The following PKIA variants were observed in gnomAD, a reference collection of about 807,000 sequenced individuals.
PKIA encodes the protein PKI-alpha.
Under a neutral mutation model 7.6 loss-of-function variants are expected in PKIA, and 4 were observed. That is an observed-to-expected ratio of 0.52 (90% CI 0.26 to 1.20). The LOEUF is 1.20. Ranked by LOEUF, PKIA falls within the 50% of genes most tolerant of loss-of-function variation. The pLI, the probability that PKIA is intolerant of heterozygous loss-of-function variation, is 0.13. For missense variants in PKIA, 73 were observed against 86.2 expected (o/e 0.85, Z 0.61); for synonymous variants, 21 against 30.7 (o/e 0.68, Z 1.04).
chr8:78,550,247 A>G (rs771283271), intron 1 of PKIA, among the ~76,000 whole-genome samples: 8 of 152,254 alleles, frequency 5.3e-5, no homozygotes, highest in East Asian at 1.9e-4. Context: ...GTGTTTGCTA[A>G]TGGGTGCTTA....
At chr8:78,561,001 C>T (rs1585899843) in intron 1 of PKIA, among the ~76,000 whole-genome samples, 2 of 152,246 alleles carry the variant, frequency 1.3e-5, no homozygotes, top group African/African-American at 4.8e-5. Flanking sequence ...AATATATGAG[C>T]TCTATGAGCC....
At chr8:78,551,707 C>G (rs890125249) in intron 1 of PKIA, among the ~76,000 whole-genome samples, 6 of 151,942 alleles carry the variant, frequency 3.9e-5, no homozygotes, top group African/African-American at 1.2e-4. Flanking sequence ...GGAGTGTCAA[C>G]ACAAGGAGAA....
chr8:78,558,754 T>C (rs922149855), intron 1 of PKIA, among the ~76,000 whole-genome samples: 5 of 152,022 alleles, frequency 3.3e-5, no homozygotes, highest in African/African-American at 9.7e-5. Flanking sequence ...TTACATCAGG[T>C]GGAGTAAAAG....
chr8:78,577,539 T>A (rs1807704215), intron 2 of PKIA, among the ~76,000 whole-genome samples: 1 of 151,992 alleles, frequency 6.6e-6, no homozygotes, highest in Non-Finnish European at 1.5e-5. Context: ...CCTGGTCATT[T>A]CTTACTTTTC....
chr8:78,557,783 G>A (rs982145669), intron 1 of PKIA, among the ~76,000 whole-genome samples: 7 of 152,174 alleles, frequency 4.6e-5, no homozygotes, highest in African/African-American at 1.4e-4. Flanking sequence ...TCCAGTTAAA[G>A]TGAAACCTGG....
At chr8:78,542,911 T>C (rs558388517) in intron 1 of PKIA, among the ~76,000 whole-genome samples, 1 of 152,292 alleles carries the variant, frequency 6.6e-6, no homozygotes, top group African/African-American at 2.4e-5. Flanking sequence ...AGGGGAAGGC[T>C]GTCACCACCT....
intron 2 of PKIA, among the ~76,000 whole-genome samples, chr8:78,579,501 G>C (rs1287422596): frequency 6.6e-6 from 1 of 151,910 alleles, no homozygotes; most frequent in Non-Finnish European, 1.5e-5. Context: ...CTTTGCACTT[G>C]TTATTTTCTG....
rs1347358854 is a variant in PKIA, at chr8:78,603,117, A to G, written c.*1296A>G. 8 of 152,440 alleles carry G rather than the reference A, an allele frequency of 5.2e-5. No individual in the cohort carries two copies. The allele number at this position is 152,440 out of a possible 1,614,324, so 9.4% of individuals were successfully genotyped here. ...TTGATGGCCTCTGCTGTGTTTTAAC[A>G]TCGTGCTTCTTATATGGAAAGTTTT... On this transcript the variant is annotated 3_prime_UTR_variant, in exon 4 of 4. Transcript: ENST00000396418.
chr8:78,556,571 A>G (rs949917524), intron 1 of PKIA: 1 of 152,132 alleles, frequency 6.6e-6, no homozygotes, highest in African/African-American at 2.4e-5. Context: ...TCTCCAGTAC[A>G]GTTGCTCTTC....
chr8:78,528,980 A>C (rs1349173999), intron 1 of PKIA, among the ~76,000 whole-genome samples: 1 of 152,072 alleles, frequency 6.6e-6, no homozygotes, highest in Non-Finnish European at 1.5e-5. Flanking sequence ...GAAATTGCTA[A>C]AACTTTAGGG....
intron 2 of PKIA, among the ~76,000 whole-genome samples, chr8:78,578,453 A>T (rs1322975065): frequency 3.9e-5 from 6 of 151,956 alleles, no homozygotes; most frequent in African/African-American, 1.4e-4. Context: ...TTTGTTTCAA[A>T]TCATGTTCTA....
intron 1 of PKIA, among the ~76,000 whole-genome samples, chr8:78,533,506 A>T (rs143410225): frequency 3.6e-4 from 55 of 152,284 alleles, no homozygotes; most frequent in African/African-American, 1.3e-3. Flanking sequence ...AGAATGGTAT[A>T]CAATCTACAT....
At chr8:78,600,365 T>A (rs1217625196) in intron 3 of PKIA, among the ~76,000 whole-genome samples, 1 of 152,092 alleles carries the variant, frequency 6.6e-6, no homozygotes, top group Non-Finnish European at 1.5e-5. Context: ...CATGTTTACC[T>A]TTATTTGTTA....
intron 1 of PKIA, among the ~76,000 whole-genome samples, chr8:78,539,314 C>A (rs945655378): frequency 2.6e-5 from 4 of 152,042 alleles, no homozygotes; most frequent in African/African-American, 9.7e-5. Context: ...AGGAAGAAAT[C>A]ATCTTCAGGA....
chr8:78,601,948 T>A lies in PKIA; in HGVS notation c.*127T>A. Reference sequence around the variant, plus strand: ...GCTGTGCTGCATTGCAGGAACCTGCTCATTATCATGTTAAAAATGAGGGCA... The same window carrying A: ...GCTGTGCTGCATTGCAGGAACCTGCACATTATCATGTTAAAAATGAGGGCA... On this transcript the variant is annotated 3_prime_UTR_variant, in exon 4 of 4. Transcript: ENST00000396418. The A allele has an allele frequency of 1.4e-6, 1 of 700,550 alleles. No homozygotes were observed. The highest frequency in any genetic ancestry group is 2.4e-6 in the Non-Finnish European group (1 of 415,068). The allele number at this position is 700,550 out of a possible 1,614,324, so 43.4% of individuals were successfully genotyped here. A position where few individuals can be genotyped will look rare whatever the true frequency, so the allele number is the denominator to read the frequency against.
At position 78,523,144 on chromosome 8, in the gene PKIA, TTATAA is replaced by T. The variant is rs1322661979; in HGVS notation, c.-157+6681_-157+6685del. On this transcript the variant is annotated intron_variant, in intron 1 of 3. Transcript: ENST00000396418. ...AAGGACAAAGATGAAGCAACATGTC[TTATAA>T]TATATGTTTGAGTATCTACTTAAAA... 3.3e-5 allele frequency among the ~76,000 whole-genome samples: 5 copies of T among 152,022 alleles called. No individual in the cohort carries two copies. The South Asian group carries it at 6.2e-4, about 19-fold the overall frequency.
intron 2 of PKIA, among the ~76,000 whole-genome samples, chr8:78,585,426 G>T (rs1267352980): frequency 6.6e-6 from 1 of 152,036 alleles, no homozygotes; most frequent in South Asian, 2.1e-4. Flanking sequence ...AACAGTGTCA[G>T]AGAAGAAGAG....
chr8:78,536,361 G>A (rs1806521098), intron 1 of PKIA, among the ~76,000 whole-genome samples: 1 of 152,078 alleles, frequency 6.6e-6, no homozygotes, highest in African/African-American at 2.4e-5. Context: ...AAGTACAGCT[G>A]CCTCAGAGAC....
rs1009061145 is a variant in PKIA at position 78,603,874 on chromosome 8, T to C, written c.*2053T>C. On this transcript the variant is annotated 3_prime_UTR_variant, in exon 4 of 4. Transcript: ENST00000396418. ...GGGTTTATATTCCTATGTGATATAC[T>C]GTTATTAATGCATGTGGTGCCATGC... is the stretch of plus-strand genomic sequence containing the variant. The C allele has an allele frequency of 6.6e-6, 1 of 152,010 alleles. No homozygotes were observed. Among genetic ancestry groups the C allele is most frequent in the Non-Finnish European group, 1.5e-5 (1 of 67,952 alleles). 9.4% of individuals were successfully genotyped at this position (152,010 alleles called of 1,614,324 possible). A position where few individuals can be genotyped will look rare whatever the true frequency, so the allele number is the denominator to read the frequency against.
Sources: gnomAD v4.1 joint callset for allele counts (sites outside exome capture counted in the v4.1 genomes callset) on GRCh38, gnomAD v4.1.1 for gene constraint, MANE v1.5 for transcripts, NCBI Gene and HGNC (gene_info 2026-07-23, HGNC 2026-07-21) for gene names.